Variants in ADCYAP1R1 observed in about 807,000 individuals in gnomAD.
ADCYAP1R1 encodes ADCYAP receptor type I.
In ADCYAP1R1, 44 loss-of-function variants were observed where a neutral mutation model predicts 67.6. That is an observed-to-expected ratio of 0.65 (90% CI 0.51 to 0.84). The LOEUF (loss-of-function observed/expected upper bound fraction) is 0.84, where lower values mean the gene tolerates loss of function less well. Ranked by LOEUF, ADCYAP1R1 falls within the 40% of genes least tolerant of loss-of-function variation. The pLI is 0.00. For synonymous variants in ADCYAP1R1, 222 were observed against 219.6 expected, an observed-to-expected ratio of 1.01 and a Z score of -0.10; for missense variants, 477 against 587.9, an observed-to-expected ratio of 0.81 and a Z score of 1.95.
chr7:31,059,764 G>T (rs1794413650), intron 1 of ADCYAP1R1, among the ~76,000 whole-genome samples: 1 of 152,164 alleles, frequency 6.6e-6, no homozygotes, highest in African/African-American at 2.4e-5. Flanking sequence ...GTGCAGGGTT[G>T]CGGTGGGGGC....
At chr7:31,101,873 T>G (rs1231411585) in intron 13 of ADCYAP1R1, among the ~76,000 whole-genome samples, 4 of 152,182 alleles carry the variant, frequency 2.6e-5, no homozygotes, top group African/African-American at 9.7e-5. Context: ...AGGAACCTGC[T>G]CGGATCCTGG....
Position 31,086,465 on chromosome 7 carries a change from C to T in ADCYAP1R1, c.751C>T (p.Leu251Phe). ...YFWLFIEGLY[L>F]FTLLVETFFP... is the part of the protein sequence containing the mutation. ...CTGGCTGTTCATCGAGGGCCTGTAC[C>T]TCTTCACTCTGCTGGTGGAGACCTT... The change falls in exon 10 of 16, where the codon CTC (leucine) becomes TTC (phenylalanine). Residue 251 changes from leucine to phenylalanine, a missense_variant. Transcript: ENST00000304166. This position sits in a 1 kb window ranked among gnomAD's most constrained non-coding sequence, Gnocchi z 5.0. 1 of 1,614,206 alleles carries T rather than the reference C, an allele frequency of 6.2e-7. No homozygotes were observed. The highest frequency in any genetic ancestry group is 1.1e-5 in the South Asian group (1 of 91,080).
intron 1 of ADCYAP1R1, among the ~76,000 whole-genome samples, chr7:31,056,113 A>G (rs1287464683): frequency 1.3e-5 from 2 of 152,120 alleles, no homozygotes; most frequent in African/African-American, 4.8e-5. Context: ...TCTAGACAAG[A>G]CTCGAAACTC....
intron 4 of ADCYAP1R1, among the ~76,000 whole-genome samples, chr7:31,080,404 A>G (rs1795466512): frequency 6.6e-6 from 1 of 152,064 alleles, no homozygotes; most frequent in African/African-American, 2.4e-5. Flanking sequence ...CTCCTCTCAA[A>G]TGCCTCTGCT....
intron 7 of ADCYAP1R1, among the ~76,000 whole-genome samples, chr7:31,084,490 T>C (rs188910135): frequency 2.4e-4 from 36 of 152,350 alleles, no homozygotes; most frequent in African/African-American, 8.4e-4. Flanking sequence ...TCTGTTCTGA[T>C]TGGACAGCGC....
intron 1 of ADCYAP1R1, among the ~76,000 whole-genome samples, chr7:31,055,741 A>G (rs1364650735): frequency 6.6e-6 from 1 of 152,244 alleles, no homozygotes; most frequent in African/African-American, 2.4e-5. Flanking sequence ...AAATGGTCAG[A>G]GAGGTTGACA....
intron 3 of ADCYAP1R1, 147 bp from the exon 4 acceptor site, chr7:31,077,843 GT>G: frequency 1.9e-6 from 1 of 538,314 alleles, no homozygotes; most frequent in African/African-American, 1.9e-5. Context: ...TTGGTGTTGT[GT>G]GTGTGTTGTG....
chr7:31,054,094 C>A (rs1470256869), intron 1 of ADCYAP1R1, among the ~76,000 whole-genome samples: 1 of 152,160 alleles, frequency 6.6e-6, no homozygotes, highest in African/African-American at 2.4e-5. Flanking sequence ...GGCAGAGGCA[C>A]CAGCTTGGAC....
intron 12 of ADCYAP1R1, among the ~76,000 whole-genome samples, chr7:31,090,303 C>G (rs1795913635): frequency 6.6e-6 from 1 of 152,162 alleles, no homozygotes; most frequent in South Asian, 2.1e-4. Flanking sequence ...GTCTTGCCAT[C>G]TTTCTCATTC....
chr7:31,053,437 G>A (rs1426571986), intron 1 of ADCYAP1R1, among the ~76,000 whole-genome samples: 1 of 152,182 alleles, frequency 6.6e-6, no homozygotes, highest in Non-Finnish European at 1.5e-5. Context: ...CGGCGGCTGC[G>A]GGGGGCGGAG....
intron 3 of ADCYAP1R1, among the ~76,000 whole-genome samples, chr7:31,077,150 C>G (rs1795267089): frequency 6.6e-6 from 1 of 152,232 alleles, no homozygotes; most frequent in Non-Finnish European, 1.5e-5. Context: ...GTAGGCCTTG[C>G]CTTTCCTCTC....
rs756872394 is a variant in ADCYAP1R1 at position 31,106,630 on chromosome 7, G to A, written c.1353G>A (p.Lys451=). Residue 451 remains lysine, a synonymous_variant, in exon 16 of 16, where the codon AAG becomes AAA. Transcript: ENST00000304166. The part of the protein sequence containing the change: ...NGGTQLSILS[K]SSSQIRMSGL... ...GCACCCAGCTCTCCATCCTGAGCAAGAGCAGCTCCCAAATCCGCATGTCTG... is the reference window on the plus strand; with the variant it reads ...GCACCCAGCTCTCCATCCTGAGCAAAAGCAGCTCCCAAATCCGCATGTCTG... The A allele has an allele frequency of 1.2e-6, 2 of 1,613,614 alleles. No individual in the cohort carries two copies. Among genetic ancestry groups the A allele is most frequent in the South Asian group, 1.1e-5 (1 of 90,974 alleles).
At chr7:31,069,454 G>A (rs183187051) in intron 3 of ADCYAP1R1, among the ~76,000 whole-genome samples, 1 of 152,330 alleles carries the variant, frequency 6.6e-6, no homozygotes, top group Admixed American at 6.5e-5. Flanking sequence ...TGCCTGTTGA[G>A]TGTAAACTCA....
intron 3 of ADCYAP1R1, among the ~76,000 whole-genome samples, chr7:31,067,728 T>G (rs1794801846): frequency 6.6e-6 from 1 of 152,190 alleles, no homozygotes; most frequent in Admixed American, 6.5e-5. Context: ...TGAAGGGCCC[T>G]TAACACCTTA....
rs75601918 is a variant in ADCYAP1R1 at position 31,085,957 on chromosome 7, T to G, written c.670-427T>G. Among the ~76,000 whole-genome samples the G allele has an allele frequency of 9.5e-3, 1,443 of 152,230 alleles. 21 individuals are homozygous for G. Among genetic ancestry groups the G allele is most frequent in the African/African-American group, 0.033 (1,367 of 41,526 alleles). ...AGGGCCTTGACCAGGAGGACATGCT[T>G]GGGGAGCCTCTATGAGTAGAGATTT... On this transcript the variant is annotated intron_variant, in intron 9 of 15. Transcript: ENST00000304166.
At position 31,086,532 on chromosome 7, in the gene ADCYAP1R1, G is replaced by T; in HGVS notation, c.818G>T (p.Gly273Val). 1 of 1,614,220 alleles carries T rather than the reference G, an allele frequency of 6.2e-7. No individual in the cohort carries two copies. The highest frequency in any genetic ancestry group is 8.5e-7 in the Non-Finnish European group (1 of 1,180,030). Residue 273 changes from glycine (G) to valine (V), a missense_variant, in exon 10 of 16, where the codon GGC becomes GTC. By Grantham distance (109) the Gly-to-Val change is moderately radical. Transcript: ENST00000304166. This position sits in a 1 kb window ranked among gnomAD's most constrained non-coding sequence, Gnocchi z 5.0. ...RRYFYWYTII[G>V]WGTPTVCVTV... ...TACTTCTACTGGTACACCATCATTG[G>T]CTGGGGTAGGTTCCTGGCTGTGGCT... is the stretch of plus-strand genomic sequence containing the variant.
rs945338588 is a variant in ADCYAP1R1, at chr7:31,110,971, T to C, written c.*4287T>C. On this transcript the variant is annotated 3_prime_UTR_variant, in exon 16 of 16. Transcript: ENST00000304166. ...CCCTCCTAAGTTAACCTGTGCCTCA[T>C]TTGTAAAACCACCAGCATCAGGAGT... 1.3e-5 allele frequency: 2 copies of C among 152,170 alleles called. No individual in the cohort carries two copies. Among genetic ancestry groups the C allele is most frequent in the African/African-American group, 4.8e-5 (2 of 41,448 alleles). 9.4% of individuals were successfully genotyped at this position (152,170 alleles called of 1,614,324 possible). A position where few individuals can be genotyped will look rare whatever the true frequency, so the allele number is the denominator to read the frequency against.
At position 31,102,471 on chromosome 7, in the gene ADCYAP1R1, G is replaced by T. The variant is rs1007039497; in HGVS notation, c.1047-766G>T. Among the ~76,000 whole-genome samples, 30 of 152,170 alleles carry T rather than the reference G, an allele frequency of 2.0e-4. No homozygotes were observed. Among genetic ancestry groups the T allele is most frequent in the African/African-American group, 7.0e-4 (29 of 41,448 alleles). On this transcript the variant is annotated intron_variant, in intron 13 of 15. Coordinates refer to ENST00000304166, the MANE Select transcript of ADCYAP1R1 (RefSeq NM_001118.5). This position sits in a 1 kb window ranked among gnomAD's most constrained non-coding sequence, Gnocchi z 4.3. Reference sequence around the variant, plus strand: ...TGTGGCCCTGTGGCTTCAGAACAGAGCCCCACCGTGCTGTCAGCCTAGGGC... The same window carrying T: ...TGTGGCCCTGTGGCTTCAGAACAGATCCCCACCGTGCTGTCAGCCTAGGGC...
chr7:31,097,961 C>T (rs548079726), intron 13 of ADCYAP1R1, among the ~76,000 whole-genome samples: 15 of 152,206 alleles, frequency 9.9e-5, no homozygotes, highest in South Asian at 6.2e-4. Context: ...ATTGCAGTGG[C>T]GAGATCTTGG....
Sources: allele counts gnomAD v4.1 joint callset (sites outside exome capture counted in the v4.1 genomes callset), GRCh38; gene constraint gnomAD v4.1.1; non-coding constraint Gnocchi (gnomAD v3.1); transcripts MANE v1.5; gene names NCBI Gene and HGNC (gene_info 2026-07-23, HGNC 2026-07-21).